The following GAB2 variants were observed in gnomAD, a reference collection of about 807,000 sequenced individuals.
GAB2 encodes the protein GRB2 associated binding protein 2.
GAB2 carries 26 observed loss-of-function variants against 65.5 expected under a neutral mutation model. The observed-to-expected ratio is 0.40, with a 90% CI of 0.29 to 0.55. GAB2 has a LOEUF of 0.55. Among genes scored for constraint, GAB2 ranks in the 20% least tolerant of loss-of-function variants. The probability of loss-of-function intolerance (pLI) is 0.53; values close to 1 mark genes in which losing one functional copy is unlikely to be tolerated. For synonymous variants in GAB2, 321 were observed against 329.6 expected, an observed-to-expected ratio of 0.97 and a Z score of 0.28; for missense variants, 884 against 875.8, an observed-to-expected ratio of 1.01 and a Z score of -0.12.
intron 8 of GAB2, 66 bp from the exon 9 acceptor site, chr11:78,220,510 CACCTCTGGGAGTAAGAACACTGTT>C: frequency 7.0e-7 from 1 of 1,419,128 alleles, no homozygotes; most frequent in African/African-American, 1.4e-5. Context: ...CCCAGAAAAA[CACCTCTGGGAGTAAGAACACTGTT>C]TCCCTGAGCC....
intron 2 of GAB2, among the ~76,000 whole-genome samples, chr11:78,252,674 G>A (rs1180439397): frequency 2.0e-5 from 3 of 152,092 alleles, no homozygotes; most frequent in Non-Finnish European, 4.4e-5. Context: ...CACAGCTTCA[G>A]TTACCACCTA....
rs544788468 is a variant in GAB2, at chr11:78,366,220, C to T, written c.75+51426G>A. 4.6e-5 allele frequency among the ~76,000 whole-genome samples: 7 copies of T among 152,114 alleles called. No homozygotes were observed. The South Asian group carries it at 8.3e-4, about 18-fold the overall frequency. On this transcript the variant is annotated intron_variant, in intron 1 of 9. Coordinates refer to ENST00000361507, the MANE Select transcript of GAB2 (RefSeq NM_080491.3). ...GCTGTTAGATGCACAAAAACCATAC[C>T]GAGTTCTTAATGATAGGGAAATCAC... is the stretch of plus-strand genomic sequence containing the variant.
chr11:78,257,558 C>T (rs1471970500), intron 2 of GAB2, among the ~76,000 whole-genome samples: 1 of 152,170 alleles, frequency 6.6e-6, no homozygotes, highest in Non-Finnish European at 1.5e-5. Flanking sequence ...TCTTATTGCT[C>T]CTATTCCTGG....
intron 1 of GAB2, among the ~76,000 whole-genome samples, chr11:78,391,292 A>G (rs992658588): frequency 2.6e-5 from 4 of 152,134 alleles, no homozygotes. Flanking sequence ...CCCTGTCTCT[A>G]AATTAAAAAA....
chr11:78,411,882 G>T (rs527943234), intron 1 of GAB2, among the ~76,000 whole-genome samples: 102 of 151,946 alleles, frequency 6.7e-4, no homozygotes, highest in African/African-American at 2.4e-3. Flanking sequence ...ATACAAAAAT[G>T]AGCTGGGCAT....
At chr11:78,329,766 G>A (rs535721309) in intron 1 of GAB2, among the ~76,000 whole-genome samples, 5 of 152,310 alleles carry the variant, frequency 3.3e-5, no homozygotes, top group Admixed American at 2.0e-4. Context: ...CAGCTAGCAT[G>A]TATCTCGCCA....
rs116412810 is a variant in GAB2, at chr11:78,337,795, T to C, written c.76-56894A>G. On this transcript the variant is annotated intron_variant, in intron 1 of 9. Coordinates refer to ENST00000361507, the MANE Select transcript of GAB2 (RefSeq NM_080491.3). The stretch of plus-strand genomic sequence containing the variant: ...AGTTCCAAACTTAGCTAAGAAGCCA[T>C]GTACATTTTTAAAATATAAAGCAGC... 6.9e-3 allele frequency among the ~76,000 whole-genome samples: 1,046 copies of C among 152,280 alleles called. 7 individuals carry two copies. Among genetic ancestry groups the C allele is most frequent in the African/African-American group, 0.023 (967 of 41,548 alleles).
At chr11:78,307,604 TAGAGAGAGAGAG>T (rs59402607) in intron 1 of GAB2, among the ~76,000 whole-genome samples, 2 of 121,884 alleles carry the variant, frequency 1.6e-5, no homozygotes, top group South Asian at 2.7e-4. Flanking sequence ...CAAAAAATGT[TAGAGAGAGAGAG>T]AGAGAGAGAG....
intron 2 of GAB2, among the ~76,000 whole-genome samples, chr11:78,265,312 C>T (rs1397564110): frequency 6.6e-6 from 1 of 151,902 alleles, no homozygotes; most frequent in South Asian, 2.1e-4. Flanking sequence ...CAGGAAACTT[C>T]GATTTTAATT....
intron 1 of GAB2, among the ~76,000 whole-genome samples, chr11:78,401,199 T>A (rs1856967172): frequency 6.6e-6 from 1 of 152,120 alleles, no homozygotes; most frequent in African/African-American, 2.4e-5. Flanking sequence ...TGGCATTAAG[T>A]ACATTCACAT....
chr11:78,321,958 C>T (rs900672499), intron 1 of GAB2, among the ~76,000 whole-genome samples: 1 of 151,408 alleles, frequency 6.6e-6, no homozygotes, highest in Non-Finnish European at 1.5e-5. Flanking sequence ...TCAAACTGGA[C>T]TCCTACCTAT....
At chr11:78,383,616 G>T (rs1856727131) in intron 1 of GAB2, among the ~76,000 whole-genome samples, 1 of 126,042 alleles carries the variant, frequency 7.9e-6, no homozygotes, top group Admixed American at 8.5e-5. Flanking sequence ...AAATTAGCCA[G>T]GTGTGGTGGT....
chr11:78,220,554 C>CA (rs1227449976), intron 8 of GAB2, 110 bp from the exon 9 acceptor site: 2 of 851,294 alleles, frequency 2.3e-6, no homozygotes, highest in African/African-American at 3.4e-5. Context: ...CCTACTCTGA[C>CA]ACATGCACCA....
In GAB2 at chr11:78,250,469, CAGAGGAAGAAAAA is replaced by C. The variant is rs1865423514; in HGVS notation, c.377-82_377-70del. On this transcript the variant is annotated intron_variant, in intron 2 of 9. Coordinates refer to ENST00000361507, the MANE Select transcript of GAB2 (RefSeq NM_080491.3). ...GTATCCTTATCCCAAAGTGAGTTGT[CAGAGGAAGAAAAA>C]AGAGTAAGAGCAGAGAAAATAATCC... The C allele has an allele frequency of 2.1e-5, 29 of 1,401,654 alleles. 1 individual carries two copies. In the South Asian group the frequency reaches 3.0e-4, roughly 15 times the overall value. The allele number at this position is 1,401,654 out of a possible 1,614,324, so 86.8% of individuals were successfully genotyped here. A position where few individuals can be genotyped will look rare whatever the true frequency, so the allele number is the denominator to read the frequency against.
intron 1 of GAB2, among the ~76,000 whole-genome samples, chr11:78,365,790 A>C (rs1250728180): frequency 6.6e-6 from 1 of 152,206 alleles, no homozygotes; most frequent in African/African-American, 2.4e-5. Context: ...TCCAAAAATA[A>C]CTTAAGAAAC....
At chr11:78,413,425 A>G (rs1482953795) in intron 1 of GAB2, among the ~76,000 whole-genome samples, 2 of 152,224 alleles carry the variant, frequency 1.3e-5, no homozygotes, top group African/African-American at 4.8e-5. Context: ...GGTGTTTTAA[A>G]AAAGAGTGGT....
At chr11:78,336,326 CAAAAAAAAAAAAA>C (rs71046966) in intron 1 of GAB2, among the ~76,000 whole-genome samples, 20 of 19,252 alleles carry the variant, frequency 1.0e-3, no homozygotes, top group East Asian at 2.3e-3. Context: ...GACTGTCTCT[CAAAAAAAAAAAAA>C]AAAAAAAAAA....
intron 4 of GAB2, among the ~76,000 whole-genome samples, chr11:78,226,213 T>C (rs1017383299): frequency 2.4e-4 from 37 of 152,238 alleles, no homozygotes; most frequent in Non-Finnish European, 3.8e-4. Context: ...ATCAAGAATG[T>C]CCTATTCTCC....
intron 2 of GAB2, among the ~76,000 whole-genome samples, chr11:78,272,432 CTT>C (rs1195817843): frequency 1.3e-5 from 2 of 152,116 alleles, no homozygotes; most frequent in Admixed American, 6.5e-5. Flanking sequence ...AAAGGTGACT[CTT>C]GTTATATTTT....
Sources: allele counts gnomAD v4.1 joint callset (sites outside exome capture counted in the v4.1 genomes callset), GRCh38; gene constraint gnomAD v4.1.1; transcripts MANE v1.5; gene names NCBI Gene and HGNC (gene_info 2026-07-23, HGNC 2026-07-21).